CTDNEP1: variants seen among roughly 807,000 people sequenced by gnomAD.
The protein encoded by CTDNEP1 is CTD nuclear envelope phosphatase 1.
CTDNEP1 carries 3 observed loss-of-function variants against 30.1 expected under a neutral mutation model. The ratio of observed to expected loss-of-function variants is 0.10; its 90% CI spans 0.05 to 0.26. CTDNEP1 has a LOEUF of 0.26. Among genes scored for constraint, CTDNEP1 ranks in the 10% least tolerant of loss-of-function variants. The pLI, the probability that CTDNEP1 is intolerant of heterozygous loss-of-function variation, is 1.00. For missense variants in CTDNEP1, 158 were observed against 310.4 expected (o/e 0.51, Z 3.69); for synonymous variants, 123 against 118.8 (o/e 1.04, Z -0.23).
chr17:7,247,468 TTC>T (rs1459542477), intron 1 of CTDNEP1, 125 bp from the exon 2 acceptor site: 13 of 715,702 alleles, frequency 1.8e-5, no homozygotes, highest in Admixed American at 5.3e-5. Flanking sequence ...TTATTTCTTC[TTC>T]TTTTTTTTTT....
In CTDNEP1 at chr17:7,244,260, A is replaced by C; in HGVS notation, c.675-15T>G. 6.2e-7 allele frequency: 1 copy of C among 1,613,800 alleles called. No individual in the cohort carries two copies. On this transcript the variant is annotated splice_polypyrimidine_tract_variant and intron_variant, in intron 7 of 7. Transcript: ENST00000574322. ...CAGCGGTGAACCTGGGGTGACAATAACTTGCATTGGTAGAGTACCTTATAG... is the reference window on the plus strand; with the variant it reads ...CAGCGGTGAACCTGGGGTGACAATACCTTGCATTGGTAGAGTACCTTATAG...
At position 7,247,470 on chromosome 17, in the gene CTDNEP1, C is replaced by CA. The variant is rs1555532018; in HGVS notation, c.103-128_103-127insT. On this transcript the variant is annotated intron_variant, in intron 1 of 7. Transcript: ENST00000574322. ...ATGTAATTTAGGCTTATTTCTTCTTCTTTTTTTTTTTTTTTTGAGATGGAG... is the reference window on the plus strand; with the variant it reads ...ATGTAATTTAGGCTTATTTCTTCTTCATTTTTTTTTTTTTTTTGAGATGGAG... The CA allele has an allele frequency of 7.2e-4, 396 of 546,616 alleles. 1 individual carries two copies. Among genetic ancestry groups the CA allele is most frequent in the Non-Finnish European group, 8.5e-4 (266 of 312,958 alleles). The allele number at this position is 546,616 out of a possible 1,614,324, so 33.9% of individuals were successfully genotyped here.
At chr17:7,245,830 T>C (rs908694480) in intron 6 of CTDNEP1, among the ~76,000 whole-genome samples, 196 bp downstream of exon 6, 2 of 152,114 alleles carry the variant, frequency 1.3e-5, no homozygotes, top group Non-Finnish European at 2.9e-5. Flanking sequence ...AAAAATGATA[T>C]AAGAAATCCG....
Position 7,244,563 on chromosome 17 carries a change from A to G in CTDNEP1, c.662T>C (p.Leu221Pro). The change falls in exon 7 of 8, where the codon CTG becomes CCG. Residue 221 changes from leucine (L) to proline (P), a missense_variant. Physicochemically the swap from Leu to Pro is moderately conservative, Grantham distance 98 (BLOSUM62 -3). Coordinates refer to ENST00000574322, the MANE Select transcript of CTDNEP1 (RefSeq NM_001143775.2). ...DTALLNLLPMLDALRFTADVR... is the reference protein window; with the variant it reads ...DTALLNLLPMPDALRFTADVR... ...CCACTTCCCTTACCTGAGGGCATCCAGCATTGGGAGCAGGTTGAGAAGGGC... is the reference window on the plus strand; with the variant it reads ...CCACTTCCCTTACCTGAGGGCATCCGGCATTGGGAGCAGGTTGAGAAGGGC... 6.2e-7 allele frequency: 1 copy of G among 1,613,884 alleles called. No individual in the cohort carries two copies. Among genetic ancestry groups the G allele is most frequent in the Non-Finnish European group, 8.5e-7 (1 of 1,179,816 alleles).
chr17:7,244,713 G>A (rs1026870266), intron 6 of CTDNEP1, 78 bp from the exon 7 acceptor site: 45 of 1,121,488 alleles, frequency 4.0e-5, no homozygotes, highest in Middle Eastern at 2.0e-4. Context: ...GAGGGAAGGA[G>A]GAATTATTGT....
chr17:7,246,734 C>G lies in CTDNEP1; in HGVS notation c.360+57G>C. Reference sequence around the variant, plus strand: ...CCTTCCTCCAAATCCTCCCAATTCCCAGAGCCCTAAAACCATTCCTTCATT... The same window carrying G: ...CCTTCCTCCAAATCCTCCCAATTCCGAGAGCCCTAAAACCATTCCTTCATT... On this transcript the variant is annotated intron_variant, in intron 4 of 7. Transcript: ENST00000574322. The surrounding 1 kb of genome is among the most constrained non-coding windows in gnomAD (Gnocchi z 4.9). 1 of 1,468,740 alleles carries G rather than the reference C, an allele frequency of 6.8e-7. No homozygotes were observed. The highest frequency in any genetic ancestry group is 9.5e-7 in the Non-Finnish European group (1 of 1,053,718). 91.0% of individuals were successfully genotyped at this position (1,468,740 alleles called of 1,614,324 possible).
At position 7,247,061 on chromosome 17, in the gene CTDNEP1, C is replaced by T. The variant is rs2071847566; in HGVS notation, c.288+3G>A. On this transcript the variant is annotated splice_donor_region_variant and intron_variant, in intron 3 of 7. Transcript: ENST00000574322. ...CATTTCATCACTCCCCACCACCACACACCTTGAGGATGAAGTCAGGAGGCG... is the reference window on the plus strand; with the variant it reads ...CATTTCATCACTCCCCACCACCACATACCTTGAGGATGAAGTCAGGAGGCG... 1.2e-6 allele frequency: 2 copies of T among 1,603,802 alleles called. No homozygotes were observed. Among genetic ancestry groups the T allele is most frequent in the East Asian group, 2.2e-5 (1 of 44,850 alleles).
rs767153096 is a variant in CTDNEP1, at chr17:7,251,303, G to A, written c.-7C>T. The A allele has an allele frequency of 6.4e-7, 1 of 1,562,738 alleles. No individual in the cohort carries two copies. Among genetic ancestry groups the A allele is most frequent in the Admixed American group, 1.9e-5 (1 of 53,598 alleles). Reference sequence around the variant, plus strand: ...GACACTGCGTCCGCATCATCCCGATGACCCCGGCACCGCCGGCCCCGGGGC... The same window carrying A: ...GACACTGCGTCCGCATCATCCCGATAACCCCGGCACCGCCGGCCCCGGGGC... On this transcript the variant is annotated 5_prime_UTR_variant, in exon 1 of 8. Transcript: ENST00000574322.
chr17:7,245,175 C>T (rs1224642313), intron 6 of CTDNEP1, among the ~76,000 whole-genome samples: 1 of 152,116 alleles, frequency 6.6e-6, no homozygotes, highest in Admixed American at 6.5e-5. Context: ...GCCTGTGATC[C>T]CAGCTACTTG....
Position 7,246,423 on chromosome 17 carries a change from G to A in CTDNEP1, c.361-53C>T. On this transcript the variant is annotated intron_variant, in intron 4 of 7. Transcript: ENST00000574322. The surrounding 1 kb of genome is among the most constrained non-coding windows in gnomAD (Gnocchi z 4.9). ...GCCATACAAGGTGATGATTCCTTTA[G>A]ACATACAGTTATCTTTCAGAAAGGC... 1.6e-6 allele frequency: 2 copies of A among 1,276,910 alleles called. No individual in the cohort carries two copies. The allele number at this position is 1,276,910 out of a possible 1,614,324, so 79.1% of individuals were successfully genotyped here. A position where few individuals can be genotyped will look rare whatever the true frequency, so the allele number is the denominator to read the frequency against.
chr17:7,244,482 T>C, intron 7 of CTDNEP1, 69 bp downstream of exon 7: 1 of 1,429,708 alleles, frequency 7.0e-7, no homozygotes. Flanking sequence ...ACCTTTTTTA[T>C]TCCCTCTGAG....
Position 7,247,350 on chromosome 17 carries a change from A to G in CTDNEP1, c.103-7T>C. The G allele has an allele frequency of 6.2e-7, 1 of 1,612,636 alleles. No individual in the cohort carries two copies. The highest frequency in any genetic ancestry group is 1.1e-5 in the South Asian group (1 of 91,052). ...CAGTTTGGTACTGAATTACCTACAA[A>G]TAGCACAAAAGAGGATTGAAACCCT... On this transcript the variant is annotated splice_region_variant and splice_polypyrimidine_tract_variant and intron_variant, in intron 1 of 7. Transcript: ENST00000574322.
intron 6 of CTDNEP1, among the ~76,000 whole-genome samples, chr17:7,245,389 G>A (rs1202824006): frequency 1.3e-5 from 2 of 151,952 alleles, no homozygotes; most frequent in Non-Finnish European, 2.9e-5. Flanking sequence ...ACTTGAGCCT[G>A]GGAGATCGAG....
rs1467023450 is a variant in CTDNEP1, at chr17:7,244,653, G to A, written c.590-18C>T. ...GGCATTGTCTAGGGTGGGTGAAAAT[G>A]CAGATGAGAAGAAACAGAATTCAAG... On this transcript the variant is annotated intron_variant, in intron 6 of 7. Coordinates refer to ENST00000574322, the MANE Select transcript of CTDNEP1 (RefSeq NM_001143775.2). 1.9e-6 allele frequency: 3 copies of A among 1,548,608 alleles called. No homozygotes were observed. Among genetic ancestry groups the A allele is most frequent in the Non-Finnish European group, 2.6e-6 (3 of 1,143,808 alleles).
At chr17:7,251,125 G>C in intron 1 of CTDNEP1, 70 bp downstream of exon 1, 1 of 1,121,538 alleles carries the variant, frequency 8.9e-7, no homozygotes, top group Non-Finnish European at 1.3e-6. Context: ...GAAAACCCCT[G>C]AGCACCACGG....
chr17:7,244,651 A>G lies in CTDNEP1; in HGVS notation c.590-16T>C, dbSNP rs1266166375. 4 of 1,555,964 alleles carry G rather than the reference A, an allele frequency of 2.6e-6. No individual in the cohort carries two copies. Among genetic ancestry groups the G allele is most frequent in the Non-Finnish European group, 3.5e-6 (4 of 1,149,788 alleles). ...ATGGCATTGTCTAGGGTGGGTGAAA[A>G]TGCAGATGAGAAGAAACAGAATTCA... On this transcript the variant is annotated splice_polypyrimidine_tract_variant and intron_variant, in intron 6 of 7. Transcript: ENST00000574322.
At chr17:7,245,938 T>A in intron 6 of CTDNEP1, 88 bp downstream of exon 6, 1 of 806,266 alleles carries the variant, frequency 1.2e-6, no homozygotes, top group Non-Finnish European at 2.1e-6. Context: ...GAATCCCAGC[T>A]CTCAAGGACC....
Position 7,244,546 on chromosome 17 carries a change from C to T in CTDNEP1, c.674+5G>A, listed in dbSNP as rs1221479371. On this transcript the variant is annotated splice_donor_5th_base_variant and intron_variant, in intron 7 of 7. Coordinates refer to ENST00000574322, the MANE Select transcript of CTDNEP1 (RefSeq NM_001143775.2). ...ATCCAAGTGTCCAGAGCCCACTTCC[C>T]TTACCTGAGGGCATCCAGCATTGGG... is the stretch of plus-strand genomic sequence containing the variant. 1 of 1,612,664 alleles carries T rather than the reference C, an allele frequency of 6.2e-7. No homozygotes were observed. The highest frequency in any genetic ancestry group is 1.1e-5 in the South Asian group (1 of 91,040).
intron 7 of CTDNEP1, 84 bp from the exon 8 acceptor site, chr17:7,244,329 T>C: frequency 2.1e-6 from 3 of 1,446,682 alleles, no homozygotes; most frequent in Non-Finnish European, 2.9e-6. Flanking sequence ...TCACTGGAGA[T>C]GTGGGACCTA....
Sources: allele counts gnomAD v4.1 joint callset (sites outside exome capture counted in the v4.1 genomes callset), GRCh38; gene constraint gnomAD v4.1.1; non-coding constraint Gnocchi (gnomAD v3.1); transcripts MANE v1.5; gene names NCBI Gene and HGNC (gene_info 2026-07-23, HGNC 2026-07-21).